PDE1C: variants seen among roughly 807,000 people sequenced by gnomAD.
PDE1C encodes dual specificity calcium/calmodulin-dependent 3',5'-cyclic nucleotide phosphodiesterase 1C.
Under a neutral mutation model 93.1 loss-of-function variants are expected in PDE1C, and 62 were observed. That is an observed-to-expected ratio of 0.67 (90% CI 0.54 to 0.82). PDE1C has a LOEUF of 0.82. Among genes scored for constraint, PDE1C ranks in the 40% least tolerant of loss-of-function variants. PDE1C has a pLI of 0.00. For missense variants in PDE1C, 742 were observed against 884.6 expected (o/e 0.84, Z 2.04); for synonymous variants, 325 against 310.1 (o/e 1.05, Z -0.50).
chr7:31,775,297 G>C (rs1394931905), intron 17 of PDE1C, among the ~76,000 whole-genome samples: 1 of 152,136 alleles, frequency 6.6e-6, no homozygotes, highest in Non-Finnish European at 1.5e-5. Context: ...CACACAATTT[G>C]AACACAGAAA....
downstream of PDE1C, among the ~76,000 whole-genome samples, chr7:31,748,818 C>T (rs1562733478): frequency 6.6e-6 from 1 of 152,196 alleles, no homozygotes; most frequent in Non-Finnish European, 1.5e-5. Flanking sequence ...ATCCCCAGTT[C>T]CAACCTAATT....
At chr7:31,942,102 AT>A (rs1368199287) in intron 2 of PDE1C, among the ~76,000 whole-genome samples, 5 of 152,098 alleles carry the variant, frequency 3.3e-5, no homozygotes, top group Admixed American at 3.3e-4. Flanking sequence ...TTCTTTTTTC[AT>A]TCGCCTCTAA....
At chr7:31,647,196 T>C in the PDE1C span, among the ~76,000 whole-genome samples, 3 of 152,216 alleles carry the variant, frequency 2.0e-5, no homozygotes, top group African/African-American at 7.2e-5. Context: ...TGCAGCAACA[T>C]CTACTAAGAG....
At chr7:32,009,270 G>A (rs1031964107) in intron 2 of PDE1C, among the ~76,000 whole-genome samples, 1 of 152,128 alleles carries the variant, frequency 6.6e-6, no homozygotes, top group African/African-American at 2.4e-5. Context: ...AACCCAGGTG[G>A]AGCCCAGTGA....
intron 1 of PDE1C, among the ~76,000 whole-genome samples, chr7:32,384,431 C>T (rs893062035): frequency 6.6e-6 from 1 of 152,158 alleles, no homozygotes; most frequent in African/African-American, 2.4e-5. Context: ...ACCATGGGAA[C>T]ACATGGAAGG....
chr7:32,007,436 G>C (rs1363103772), intron 2 of PDE1C, among the ~76,000 whole-genome samples: 1 of 152,160 alleles, frequency 6.6e-6, no homozygotes, highest in Non-Finnish European at 1.5e-5. Flanking sequence ...TCTTGTGGCT[G>C]GGATCAGGAA....
chr7:32,047,160 C>T (rs139897806), intron 2 of PDE1C, among the ~76,000 whole-genome samples: 1 of 151,916 alleles, frequency 6.6e-6, no homozygotes, highest in East Asian at 1.9e-4. Flanking sequence ...TCTTCAAGGG[C>T]AGCTCATAAG....
intron 1 of PDE1C, among the ~76,000 whole-genome samples, chr7:32,412,955 G>A (rs1462462776): frequency 2.6e-5 from 4 of 152,134 alleles, no homozygotes; most frequent in East Asian, 1.9e-4. Flanking sequence ...GGAGTACAGC[G>A]GAGATTGACT....
rs5883326 is a variant in PDE1C at position 32,126,201 on chromosome 7, CTAGATAGATAGATAGATAGATAGA to C, written c.308+43560_308+43583del. Reference sequence around the variant, plus strand: ...AATCACAGAAACCCAATCCACTATTCTAGATAGATAGATAGATAGATAGATAGATAGATAGATAGATAGATTCAT... The same window carrying C: ...AATCACAGAAACCCAATCCACTATTCTAGATAGATAGATAGATAGATTCAT... On this transcript the variant is annotated intron_variant, in intron 3 of 18. Transcript: ENST00000396193. Among the ~76,000 whole-genome samples the C allele has an allele frequency of 1.5e-3, 223 of 147,000 alleles. 1 individual carries two copies. Among genetic ancestry groups the C allele is most frequent in the African/African-American group, 5.4e-3 (214 of 39,492 alleles).
chr7:31,723,468 G>T, the PDE1C span, among the ~76,000 whole-genome samples: 1 of 152,196 alleles, frequency 6.6e-6, no homozygotes, highest in Non-Finnish European at 1.5e-5. Flanking sequence ...GAGGCACTAA[G>T]TTCCATGTGC....
At chr7:32,106,779 CA>C (rs1422490998) in intron 3 of PDE1C, among the ~76,000 whole-genome samples, 1 of 151,034 alleles carries the variant, frequency 6.6e-6, no homozygotes, top group Non-Finnish European at 1.5e-5. Context: ...TGGCTTTCAA[CA>C]AAAAATTATA....
At chr7:31,950,915 T>C (rs1362504535) in intron 2 of PDE1C, among the ~76,000 whole-genome samples, 1 of 152,182 alleles carries the variant, frequency 6.6e-6, no homozygotes, top group African/African-American at 2.4e-5. Context: ...TAAAATACCA[T>C]AGACTGGGTG....
chr7:31,737,267 C>G, the PDE1C span, among the ~76,000 whole-genome samples: 3 of 151,968 alleles, frequency 2.0e-5, no homozygotes, highest in African/African-American at 7.3e-5. Context: ...GTGTGAGCCA[C>G]CATACCCCAC....
intron 9 of PDE1C, among the ~76,000 whole-genome samples, chr7:31,841,031 A>G (rs1050736689): frequency 1.3e-5 from 2 of 152,080 alleles, no homozygotes; most frequent in Non-Finnish European, 2.9e-5. Flanking sequence ...ACATGATGAC[A>G]GTATATCTCT....
chr7:31,726,180 C>T, the PDE1C span, among the ~76,000 whole-genome samples: 35 of 152,244 alleles, frequency 2.3e-4, 1 homozygote, highest in Middle Eastern at 6.8e-3. Flanking sequence ...GCATTTCTCC[C>T]GCTTTAATCT....
intron 1 of PDE1C, among the ~76,000 whole-genome samples, chr7:32,314,739 G>A (rs1317139687): frequency 6.6e-6 from 1 of 152,042 alleles, no homozygotes; most frequent in African/African-American, 2.4e-5. Context: ...ATTACCGAGA[G>A]CACCAAGAAC....
the PDE1C span, among the ~76,000 whole-genome samples, chr7:31,698,791 A>C: frequency 6.6e-6 from 1 of 152,226 alleles, no homozygotes; most frequent in Non-Finnish European, 1.5e-5. Flanking sequence ...TTGCTTCTTT[A>C]GATTTCCAAG....
intron 2 of PDE1C, among the ~76,000 whole-genome samples, chr7:32,189,284 C>G (rs1366798382): frequency 6.6e-6 from 1 of 152,178 alleles, no homozygotes; most frequent in Non-Finnish European, 1.5e-5. Flanking sequence ...AGAACAAAAG[C>G]TTATCTGTTA....
rs147401175 is a variant in PDE1C, at chr7:31,926,588, C to T, written c.129-45728G>A. 2.0e-5 allele frequency among the ~76,000 whole-genome samples: 3 copies of T among 152,252 alleles called. No homozygotes were observed. In the East Asian group the frequency reaches 5.8e-4, roughly 29 times the overall value. On this transcript the variant is annotated intron_variant, in intron 2 of 17. Transcript: ENST00000396191. ...ATTCCTGCATTTCCAGCTGAGGTAC[C>T]TGGCTTATCTCACCGGGACTGGTTA... is the stretch of plus-strand genomic sequence containing the variant.
Sources: allele counts gnomAD v4.1 joint callset (sites outside exome capture counted in the v4.1 genomes callset), GRCh38; gene constraint gnomAD v4.1.1; transcripts MANE v1.5; gene names NCBI Gene and HGNC (gene_info 2026-07-23, HGNC 2026-07-21).